The following SLC2A5 variants were observed in gnomAD, a reference collection of about 807,000 sequenced individuals.
SLC2A5 encodes the protein solute carrier family 2, facilitated glucose transporter member 5.
SLC2A5 carries 56 observed loss-of-function variants against 50.3 expected under a neutral mutation model. The observed-to-expected ratio is 1.11, with a 90% CI of 0.90 to 1.39. The LOEUF (loss-of-function observed/expected upper bound fraction) is 1.39, where lower values mean the gene tolerates loss of function less well. Ranked by LOEUF, SLC2A5 falls within the 40% of genes most tolerant of loss-of-function variation. The probability of loss-of-function intolerance (pLI) is 0.00; values close to 1 mark genes in which losing one functional copy is unlikely to be tolerated. For synonymous variants in SLC2A5, 269 were observed against 281.9 expected (o/e 0.95, Z 0.46); for missense variants, 566 against 650.1 (o/e 0.87, Z 1.41).
upstream of SLC2A5, among the ~76,000 whole-genome samples, chr1:9,088,785 AAAC>A (rs554073967): frequency 1.1e-4 from 16 of 152,090 alleles, no homozygotes; most frequent in African/African-American, 3.6e-4. Flanking sequence ...TCCGTCTCAA[AAAC>A]AACAACAACA....
At chr1:9,045,025 T>A (rs879462563) in intron 4 of SLC2A5, among the ~76,000 whole-genome samples, 1 of 152,162 alleles carries the variant, frequency 6.6e-6, no homozygotes, top group Non-Finnish European at 1.5e-5. Flanking sequence ...TTTAAGGGTG[T>A]CTGTGAGATC....
At chr1:9,064,870 T>C (rs964611177) in intron 1 of SLC2A5, among the ~76,000 whole-genome samples, 1 of 152,004 alleles carries the variant, frequency 6.6e-6, no homozygotes, top group East Asian at 1.9e-4. Context: ...CTGGACAACA[T>C]GGTGAAACCC....
Position 9,069,538 on chromosome 1 carries a change from C to T in SLC2A5, c.-2G>A, listed in dbSNP as rs1642168914. ...CATGCTCTGATCCTGTTGCTCCATG[C>T]TTGCTCTGGAAGGGCAGAGTGCCGC... is the stretch of plus-strand genomic sequence containing the variant. On this transcript the variant is annotated 5_prime_UTR_variant, in exon 1 of 12. Coordinates refer to ENST00000377424, the MANE Select transcript of SLC2A5 (RefSeq NM_003039.3). 1 of 1,614,120 alleles carries T rather than the reference C, an allele frequency of 6.2e-7. No homozygotes were observed. Among genetic ancestry groups the T allele is most frequent in the Non-Finnish European group, 8.5e-7 (1 of 1,180,024 alleles).
At chr1:9,078,408 G>T (rs11121317) in intron 2 of SLC2A5, among the ~76,000 whole-genome samples, 2 of 151,862 alleles carry the variant, frequency 1.3e-5, no homozygotes, top group African/African-American at 2.4e-5. Context: ...CACTTTACTC[G>T]GTCCCTATTC....
chr1:9,063,534 G>A (rs1173784205), intron 1 of SLC2A5, among the ~76,000 whole-genome samples: 1 of 150,654 alleles, frequency 6.6e-6, no homozygotes, highest in Non-Finnish European at 1.5e-5. Flanking sequence ...CACCACGCCT[G>A]GCTAATTTTT....
At chr1:9,059,524 T>C (rs1641852181) in intron 1 of SLC2A5, among the ~76,000 whole-genome samples, 1 of 138,944 alleles carries the variant, frequency 7.2e-6, no homozygotes, top group Admixed American at 7.4e-5. Flanking sequence ...GGTATCTAAA[T>C]CTACAGAGAA....
upstream of SLC2A5, among the ~76,000 whole-genome samples, chr1:9,092,525 C>T (rs1642470387): frequency 6.6e-6 from 1 of 152,190 alleles, no homozygotes; most frequent in African/African-American, 2.4e-5. Flanking sequence ...TCTTTCCCAA[C>T]CCACCAAGCC....
At chr1:9,053,235 A>G (rs1641641908) in intron 3 of SLC2A5, among the ~76,000 whole-genome samples, 1 of 81,200 alleles carries the variant, frequency 1.2e-5, no homozygotes, top group Non-Finnish European at 2.1e-5. Context: ...TATATTATAT[A>G]TTTATATATT....
intron 4 of SLC2A5, among the ~76,000 whole-genome samples, chr1:9,043,974 G>A (rs1304242161): frequency 6.7e-6 from 1 of 149,266 alleles, no homozygotes; most frequent in Non-Finnish European, 1.5e-5. Context: ...CACCCGCCTC[G>A]GCCTCCCAAA....
intron 9 of SLC2A5, 88 bp from the exon 10 acceptor site, chr1:9,038,594 G>T: frequency 7.8e-7 from 1 of 1,288,034 alleles, no homozygotes; most frequent in Non-Finnish European, 1.1e-6. Flanking sequence ...GTGGGTGGAG[G>T]ATGGCACCTG....
intron 2 of SLC2A5, among the ~76,000 whole-genome samples, chr1:9,081,284 A>AAC (rs1642349209): frequency 8.5e-6 from 1 of 117,726 alleles, no homozygotes; most frequent in East Asian, 2.6e-4. Context: ...AAAAAACCCC[A>AAC]AAAAAAAAAA....
intron 3 of SLC2A5, among the ~76,000 whole-genome samples, chr1:9,049,413 C>T (rs182113627): frequency 1.7e-4 from 26 of 152,252 alleles, no homozygotes; most frequent in African/African-American, 4.1e-4. Flanking sequence ...ATCAAGACAG[C>T]GTGGTACTAG....
intron 1 of SLC2A5, among the ~76,000 whole-genome samples, chr1:9,085,850 T>A (rs1403049056): frequency 6.6e-6 from 1 of 152,146 alleles, no homozygotes; most frequent in Non-Finnish European, 1.5e-5. Flanking sequence ...CTTTCCCTGA[T>A]GCAACGGGCC....
At chr1:9,071,599 C>A (rs1305887256), upstream of SLC2A5, 2 of 152,318 alleles carry the variant, frequency 1.3e-5, no homozygotes, top group African/African-American at 4.8e-5. Flanking sequence ...ACGGCCCAGC[C>A]CGGGGAAGCG....
At chr1:9,052,091 C>G (rs559925790) in intron 3 of SLC2A5, among the ~76,000 whole-genome samples, 8 of 152,292 alleles carry the variant, frequency 5.3e-5, no homozygotes, top group African/African-American at 1.9e-4. Flanking sequence ...TGAGACCATC[C>G]TGGCCAACAT....
At chr1:9,056,412 T>C (rs931739934) in intron 3 of SLC2A5, among the ~76,000 whole-genome samples, 4 of 152,110 alleles carry the variant, frequency 2.6e-5, no homozygotes, top group African/African-American at 4.8e-5. Flanking sequence ...CTCCAACTCC[T>C]GACCTCAGGT....
chr1:9,055,791 C>T (rs559432925), intron 3 of SLC2A5, among the ~76,000 whole-genome samples: 1 of 151,878 alleles, frequency 6.6e-6, no homozygotes, highest in African/African-American at 2.4e-5. Context: ...TGGCAGACAC[C>T]TGTAATCCCA....
chr1:9,074,032 A>G (rs1166851201), upstream of SLC2A5, among the ~76,000 whole-genome samples: 1 of 152,026 alleles, frequency 6.6e-6, no homozygotes, highest in Admixed American at 6.6e-5. Context: ...GTGGGCTGAG[A>G]TCAAACCACT....
chr1:9,084,140 T>C (rs1176996182), intron 2 of SLC2A5, among the ~76,000 whole-genome samples: 1 of 149,852 alleles, frequency 6.7e-6, no homozygotes, highest in East Asian at 2.0e-4. Context: ...AGACTCCGTC[T>C]CAAAAAAAAA....
Sources: allele counts gnomAD v4.1 joint callset (sites outside exome capture counted in the v4.1 genomes callset), GRCh38; gene constraint gnomAD v4.1.1; transcripts MANE v1.5; gene names NCBI Gene and HGNC (gene_info 2026-07-23, HGNC 2026-07-21).